The following BRI3BP variants were observed in gnomAD, a reference collection of about 807,000 sequenced individuals.
BRI3BP encodes the protein BRI3 binding protein, also known as BRI3-binding protein.
Under a neutral mutation model 15.8 loss-of-function variants are expected in BRI3BP, and 7 were observed. The ratio of observed to expected loss-of-function variants is 0.44; its 90% CI spans 0.25 to 0.83. The LOEUF is 0.83. Among genes scored for constraint, BRI3BP ranks in the 40% least tolerant of loss-of-function variants. The pLI, the probability that BRI3BP is intolerant of heterozygous loss-of-function variation, is 0.20. For missense variants in BRI3BP, 320 were observed against 339.3 expected, an observed-to-expected ratio of 0.94 and a Z score of 0.45; for synonymous variants, 192 against 163.5, an observed-to-expected ratio of 1.17 and a Z score of -1.33.
intron 1 of BRI3BP, among the ~76,000 whole-genome samples, chr12:125,001,164 C>G (rs1014340531): frequency 2.0e-5 from 3 of 151,994 alleles, no homozygotes; most frequent in Non-Finnish European, 4.4e-5. Context: ...ACGCCATTCT[C>G]CTGCCTCAGC....
chr12:125,009,619 TGG>T (rs60019848), intron 1 of BRI3BP, among the ~76,000 whole-genome samples: 33,006 of 148,044 alleles, frequency 0.22, 4,306 homozygotes, highest in Admixed American at 0.33. Flanking sequence ...AAATTAGAGA[TGG>T]GGGGGGGGTC....
At chr12:125,036,387 A>AT in the BRI3BP span, among the ~76,000 whole-genome samples, 1 of 150,694 alleles carries the variant, frequency 6.6e-6, no homozygotes, top group Non-Finnish European at 1.5e-5. Flanking sequence ...TTATTTATTT[A>AT]TTATTATTAT....
chr12:125,046,225 C>T, the BRI3BP span, among the ~76,000 whole-genome samples: 1 of 151,620 alleles, frequency 6.6e-6, no homozygotes, highest in Non-Finnish European at 1.5e-5. Context: ...ATAACTGACA[C>T]ATAAGTATGC....
chr12:125,050,594 C>A, the BRI3BP span, among the ~76,000 whole-genome samples: 1 of 152,234 alleles, frequency 6.6e-6, no homozygotes, highest in South Asian at 2.1e-4. Flanking sequence ...CTGTGCCCTG[C>A]CTCGTGCTAG....
At chr12:124,999,346 T>C (rs1285244702) in intron 1 of BRI3BP, among the ~76,000 whole-genome samples, 1 of 152,204 alleles carries the variant, frequency 6.6e-6, no homozygotes, top group African/African-American at 2.4e-5. Context: ...TCTGAACATG[T>C]ATAAATATAT....
intron 1 of BRI3BP, among the ~76,000 whole-genome samples, chr12:125,000,016 CTTTTTTTTTT>C (rs66571863): frequency 4.9e-5 from 2 of 40,692 alleles, no homozygotes; most frequent in Admixed American, 3.5e-4. Context: ...TTTGGTTTTT[CTTTTTTTTTT>C]TTTTTTTTGC....
chr12:125,011,351 CTTGG>C (rs1955195318), intron 1 of BRI3BP, among the ~76,000 whole-genome samples: 1 of 152,180 alleles, frequency 6.6e-6, no homozygotes, highest in African/African-American at 2.4e-5. Context: ...CAGTAGACCA[CTTGG>C]TGGCATTCAT....
chr12:125,012,704 G>A, intron 2 of BRI3BP, 68 bp downstream of exon 2: 1 of 1,205,392 alleles, frequency 8.3e-7, no homozygotes, highest in Admixed American at 1.7e-5. Context: ...TGTGGAACTG[G>A]TACTCACAGT....
At chr12:124,998,405 G>A (rs1204179921) in intron 1 of BRI3BP, among the ~76,000 whole-genome samples, 1 of 152,194 alleles carries the variant, frequency 6.6e-6, no homozygotes, top group African/African-American at 2.4e-5. Context: ...AATGTGATGT[G>A]TCTGTATAAT....
At chr12:125,011,842 G>A (rs565254841) in intron 1 of BRI3BP, among the ~76,000 whole-genome samples, 7 of 152,330 alleles carry the variant, frequency 4.6e-5, no homozygotes, top group Middle Eastern at 3.4e-3. Context: ...GATAGAGCAT[G>A]GGGCTGTATC....
At chr12:125,005,143 C>G (rs1396207833) in intron 1 of BRI3BP, among the ~76,000 whole-genome samples, 1 of 152,096 alleles carries the variant, frequency 6.6e-6, no homozygotes, top group Non-Finnish European at 1.5e-5. Flanking sequence ...CCACAGCGCC[C>G]AGCCGGTCAG....
At chr12:125,038,845 T>A in the BRI3BP span, among the ~76,000 whole-genome samples, 1 of 151,848 alleles carries the variant, frequency 6.6e-6, no homozygotes, top group African/African-American at 2.4e-5. Context: ...ATCCCAGCAC[T>A]TTGGGAGGCC....
At chr12:125,037,829 AAAG>A in the BRI3BP span, among the ~76,000 whole-genome samples, 1 of 151,806 alleles carries the variant, frequency 6.6e-6, no homozygotes, top group Non-Finnish European at 1.5e-5. Flanking sequence ...AAAAAAAAGA[AAAG>A]AAAAGAAAAA....
At chr12:125,004,857 T>G (rs2135989671) in intron 1 of BRI3BP, among the ~76,000 whole-genome samples, 1 of 152,214 alleles carries the variant, frequency 6.6e-6, no homozygotes, top group South Asian at 2.1e-4. Flanking sequence ...TCAGGCCTTT[T>G]TCTTTTCTTT....
In BRI3BP at chr12:125,011,704, T is replaced by C. The variant is rs534344629; in HGVS notation, c.214-830T>C. 2.0e-5 allele frequency among the ~76,000 whole-genome samples: 3 copies of C among 150,236 alleles called. No homozygotes were observed. In the South Asian group the frequency reaches 6.3e-4, roughly 32 times the overall value. On this transcript the variant is annotated intron_variant, in intron 1 of 2. Transcript: ENST00000341446. ...GTAGGCTTGAGTTTTATGCTACATG[T>C]ATACAATATCACTAATTTTTTAAAA...
At chr12:125,009,294 T>TTTTC (rs1955175513) in intron 1 of BRI3BP, among the ~76,000 whole-genome samples, 1 of 138,726 alleles carries the variant, frequency 7.2e-6, no homozygotes, top group Non-Finnish European at 1.6e-5. Context: ...TTTTTTTTTT[T>TTTTC]TTTTTTTTTT....
chr12:125,032,459 AAAAC>A (rs1450505239), downstream of BRI3BP, among the ~76,000 whole-genome samples: 13 of 151,382 alleles, frequency 8.6e-5, 1 homozygote, highest in East Asian at 5.9e-4. Context: ...CTCCGTCTGA[AAAAC>A]AAACAAAAAA....
chr12:125,006,440 G>C (rs1452657215), intron 1 of BRI3BP, among the ~76,000 whole-genome samples: 1 of 152,076 alleles, frequency 6.6e-6, no homozygotes, highest in East Asian at 1.9e-4. Context: ...TCTTTCCACC[G>C]TGAGAAAGAA....
chr12:125,047,792 G>A, the BRI3BP span, among the ~76,000 whole-genome samples: 1 of 152,014 alleles, frequency 6.6e-6, no homozygotes, highest in Non-Finnish European at 1.5e-5. Flanking sequence ...CGCTTTCCAG[G>A]TTCAAGTGAT....
Sources: gnomAD v4.1 joint callset for allele counts (sites outside exome capture counted in the v4.1 genomes callset) on GRCh38, gnomAD v4.1.1 for gene constraint, MANE v1.5 for transcripts, NCBI Gene and HGNC (gene_info 2026-07-23, HGNC 2026-07-21) for gene names.